SYK: variants seen among roughly 807,000 people sequenced by gnomAD.
The protein encoded by SYK is tyrosine-protein kinase SYK.
A neutral mutation model predicts 77.8 loss-of-function variants in SYK; 16 were observed. That is an observed-to-expected ratio of 0.21 (90% CI 0.14 to 0.31). The LOEUF (loss-of-function observed/expected upper bound fraction) is 0.31, where lower values mean the gene tolerates loss of function less well. Ranked by LOEUF, SYK falls within the 10% of genes least tolerant of loss-of-function variation. SYK has a pLI of 1.00. For missense variants in SYK, 529 were observed against 814.4 expected (o/e 0.65, Z 4.26); for synonymous variants, 312 against 308.7 (o/e 1.01, Z -0.11).
chr9:90,802,623 C>T (rs1179494967), intron 1 of SYK, among the ~76,000 whole-genome samples: 1 of 151,824 alleles, frequency 6.6e-6, no homozygotes, highest in African/African-American at 2.4e-5. Context: ...ACCTTAAGCC[C>T]ACCTAAAAAC....
chr9:90,867,035 G>A (rs1015326845), intron 6 of SYK, 96 bp from the exon 7 acceptor site: 17 of 1,386,612 alleles, frequency 1.2e-5, no homozygotes, highest in East Asian at 4.6e-5. Flanking sequence ...TTAGTGGTGC[G>A]ATTATAGAAG....
Position 90,898,315 on chromosome 9 carries a change from G to C in SYK, c.*2715G>C, listed in dbSNP as rs1336646866. 2 of 229,128 alleles carry C rather than the reference G, an allele frequency of 8.7e-6. No homozygotes were observed. Among genetic ancestry groups the C allele is most frequent in the Middle Eastern group, 1.3e-3 (1 of 778 alleles). 14.2% of individuals were successfully genotyped at this position (229,128 alleles called of 1,614,324 possible). A position where few individuals can be genotyped will look rare whatever the true frequency, so the allele number is the denominator to read the frequency against. On this transcript the variant is annotated 3_prime_UTR_variant, in exon 14 of 14. Coordinates refer to ENST00000375754, the MANE Select transcript of SYK (RefSeq NM_003177.7). Reference sequence around the variant, plus strand: ...CTTCTCCCATACTCCCTATCAGCCAGCCCTGCCTGTAGCTGCTGTATGGTG... The same window carrying C: ...CTTCTCCCATACTCCCTATCAGCCACCCCTGCCTGTAGCTGCTGTATGGTG...
At chr9:90,867,292 G>T in intron 7 of SYK, 93 bp downstream of exon 7, 1 of 1,282,156 alleles carries the variant, frequency 7.8e-7, no homozygotes, top group Middle Eastern at 1.9e-4. Context: ...TGTGTGCGCT[G>T]CCCCCCATCT....
chr9:90,887,663 A>G (rs1828630156), intron 11 of SYK, 86 bp from the exon 12 acceptor site: 1 of 1,439,842 alleles, frequency 6.9e-7, no homozygotes, highest in Non-Finnish European at 9.3e-7. Context: ...TCAGCCTCCC[A>G]AAGTGCTGGG....
At chr9:90,867,512 A>C (rs1827554357) in intron 7 of SYK, among the ~76,000 whole-genome samples, 2 of 152,200 alleles carry the variant, frequency 1.3e-5, no homozygotes. Context: ...ATGTCCGAAA[A>C]TCTTTTCAAA....
chr9:90,838,253 A>C (rs1016192614), intron 1 of SYK, among the ~76,000 whole-genome samples: 3 of 152,208 alleles, frequency 2.0e-5, no homozygotes, highest in African/African-American at 2.4e-5. Context: ...TGTTCCAGGC[A>C]TGGTGATATG....
At chr9:90,853,425 T>C (rs956602985) in intron 3 of SYK, among the ~76,000 whole-genome samples, 5 of 151,704 alleles carry the variant, frequency 3.3e-5, no homozygotes, top group Non-Finnish European at 5.9e-5. Flanking sequence ...TGCACACGTA[T>C]GTTTATTGCG....
intron 7 of SYK, among the ~76,000 whole-genome samples, chr9:90,872,160 C>G (rs559148269): frequency 6.6e-6 from 1 of 152,286 alleles, no homozygotes; most frequent in South Asian, 2.1e-4. Context: ...GAATTGCGTT[C>G]TGGTTTAATT....
intron 1 of SYK, among the ~76,000 whole-genome samples, chr9:90,804,952 G>A (rs936767665): frequency 5.2e-5 from 4 of 76,434 alleles, no homozygotes; most frequent in African/African-American, 1.3e-4. Flanking sequence ...GTATCAATTT[G>A]AGGTTTTTTT....
chr9:90,818,981 A>T (rs1587816486), intron 1 of SYK, among the ~76,000 whole-genome samples: 1 of 152,262 alleles, frequency 6.6e-6, no homozygotes, highest in African/African-American at 2.4e-5. Flanking sequence ...ATATGTAAAT[A>T]AAACCTATGT....
rs1428835280 is a variant in SYK at position 90,884,527 on chromosome 9, A to G, written c.1582-3222A>G. Among the ~76,000 whole-genome samples the G allele has an allele frequency of 4.3e-5, 5 of 115,758 alleles. 2 individuals carry two copies. The highest frequency in any genetic ancestry group is 5.5e-5 in the Non-Finnish European group (3 of 55,016). 75.9% of individuals were successfully genotyped at this position (115,758 alleles called of 152,430 possible). On this transcript the variant is annotated intron_variant, in intron 11 of 13. Coordinates refer to ENST00000375754, the MANE Select transcript of SYK (RefSeq NM_003177.7). ...CATGTACATACATACACATACACAT[A>G]TGTGTACATGTACATACATACACAT... is the stretch of plus-strand genomic sequence containing the variant.
At chr9:90,803,690 G>T (rs1296155857) in intron 1 of SYK, among the ~76,000 whole-genome samples, 2 of 151,932 alleles carry the variant, frequency 1.3e-5, no homozygotes, top group African/African-American at 2.4e-5. Context: ...TTTGCCCATG[G>T]TTATAATCCA....
intron 1 of SYK, among the ~76,000 whole-genome samples, chr9:90,835,203 A>G (rs1205606672): frequency 6.6e-6 from 1 of 152,202 alleles, no homozygotes; most frequent in Non-Finnish European, 1.5e-5. Context: ...AGGAGGGGGA[A>G]CAGGGTAAAG....
intron 1 of SYK, among the ~76,000 whole-genome samples, chr9:90,836,956 A>T (rs4744511): frequency 0.13 from 20,179 of 152,222 alleles, 1,527 homozygotes; most frequent in Admixed American, 0.24. Context: ...TATTGTAAAC[A>T]TATATTCTAT....
At chr9:90,849,101 A>T (rs1168565863) in intron 3 of SYK, among the ~76,000 whole-genome samples, 1 of 152,130 alleles carries the variant, frequency 6.6e-6, no homozygotes, top group African/African-American at 2.4e-5. Context: ...CACTGGGAGG[A>T]CCCTGCTTTG....
rs1827393771 is a variant in SYK at position 90,864,438 on chromosome 9, C to A, written c.718-151C>A. The A allele has an allele frequency of 6.3e-6, 4 of 632,628 alleles. No individual in the cohort carries two copies. In the South Asian group the frequency reaches 9.5e-5, roughly 15 times the overall value. 39.2% of individuals were successfully genotyped at this position (632,628 alleles called of 1,614,324 possible). A position where few individuals can be genotyped will look rare whatever the true frequency, so the allele number is the denominator to read the frequency against. ...CCTAGCTGTGGGCCCACTTCCCCAG[C>A]CACCCTTGTGGAGTGGACTTAAGCA... is the stretch of plus-strand genomic sequence containing the variant. On this transcript the variant is annotated intron_variant, in intron 4 of 13. Coordinates refer to ENST00000375754, the MANE Select transcript of SYK (RefSeq NM_003177.7).
At chr9:90,877,944 T>C (rs12686497) in intron 10 of SYK, among the ~76,000 whole-genome samples, 164 bp downstream of exon 10, 28,693 of 152,084 alleles carry the variant, frequency 0.19, 3,077 homozygotes, top group Admixed American at 0.3. Flanking sequence ...CAGGGAGACA[T>C]AGTCTTTGGA....
At chr9:90,871,123 T>G (rs55902814) in intron 7 of SYK, among the ~76,000 whole-genome samples, 2 of 152,364 alleles carry the variant, frequency 1.3e-5, no homozygotes, top group Non-Finnish European at 2.9e-5. Context: ...TAACTGGACT[T>G]ATTATTGCAG....
In SYK at chr9:90,838,364, G is replaced by T. The variant is rs540134426; in HGVS notation, c.-41-5494G>T. On this transcript the variant is annotated intron_variant, in intron 1 of 13. Coordinates refer to ENST00000375754, the MANE Select transcript of SYK (RefSeq NM_003177.7). Reference sequence around the variant, plus strand: ...TCAACAGTGAATCATGATTTAAAGGGCTGCTGCCTTATGGAGATGTGCTGC... The same window carrying T: ...TCAACAGTGAATCATGATTTAAAGGTCTGCTGCCTTATGGAGATGTGCTGC... Among the ~76,000 whole-genome samples, 5 of 152,314 alleles carry T rather than the reference G, an allele frequency of 3.3e-5. No individual in the cohort carries two copies. In the South Asian group the frequency reaches 8.3e-4, roughly 25 times the overall value.
Sources: allele counts gnomAD v4.1 joint callset (sites outside exome capture counted in the v4.1 genomes callset), GRCh38; gene constraint gnomAD v4.1.1; transcripts MANE v1.5; gene names NCBI Gene and HGNC (gene_info 2026-07-23, HGNC 2026-07-21).